The following NDFIP1 variants were observed in gnomAD, a reference collection of about 807,000 sequenced individuals.
The protein encoded by NDFIP1 is Nedd4 family interacting protein 1.
A neutral mutation model predicts 28.8 loss-of-function variants in NDFIP1; 7 were observed. That is an observed-to-expected ratio of 0.24 (90% CI 0.14 to 0.46). The LOEUF (loss-of-function observed/expected upper bound fraction) is 0.46, where lower values mean the gene tolerates loss of function less well. Among genes scored for constraint, NDFIP1 ranks in the 20% least tolerant of loss-of-function variants. The pLI is 0.99. For synonymous variants in NDFIP1, 92 were observed against 101.0 expected (o/e 0.91, Z 0.53); for missense variants, 194 against 269.1 (o/e 0.72, Z 1.95).
chr5:142,151,566 T>A (rs1757447410), intron 7 of NDFIP1, among the ~76,000 whole-genome samples, 165 bp from the exon 8 acceptor site: 1 of 152,240 alleles, frequency 6.6e-6, no homozygotes, highest in Admixed American at 6.5e-5. Flanking sequence ...AACTGAAATT[T>A]TAATGTTTAT....
chr5:142,145,174 CT>C (rs1757374576), intron 7 of NDFIP1, among the ~76,000 whole-genome samples: 1 of 152,188 alleles, frequency 6.6e-6, no homozygotes, highest in Non-Finnish European at 1.5e-5. Flanking sequence ...GTCATTGAGG[CT>C]TTCCCCATGG....
chr5:142,123,535 A>G (rs1016754624), intron 1 of NDFIP1, among the ~76,000 whole-genome samples: 5 of 152,272 alleles, frequency 3.3e-5, no homozygotes, highest in South Asian at 2.1e-4. Flanking sequence ...TTAAATGACA[A>G]ATAATTAGGA....
intron 1 of NDFIP1, among the ~76,000 whole-genome samples, chr5:142,118,739 C>G (rs755304468): frequency 1.3e-5 from 2 of 152,172 alleles, no homozygotes; most frequent in Non-Finnish European, 2.9e-5. Context: ...GGGCATTTGT[C>G]TCTGCTCTGA....
chr5:142,133,845 C>G (rs1757249059), intron 3 of NDFIP1, among the ~76,000 whole-genome samples: 1 of 152,162 alleles, frequency 6.6e-6, no homozygotes, highest in Non-Finnish European at 1.5e-5. Flanking sequence ...AAAGGGCCCA[C>G]AAATACTGAT....
chr5:142,132,373 C>T (rs1561601825), intron 3 of NDFIP1, 31 bp downstream of exon 3: 2 of 1,599,630 alleles, frequency 1.3e-6, no homozygotes, highest in Middle Eastern at 1.7e-4. Context: ...TACTTGATGG[C>T]TGCTCTGTGG....
In NDFIP1 at chr5:142,112,153, C is replaced by T. The variant is rs528071422; in HGVS notation, c.63+3116C>T. Reference sequence around the variant, plus strand: ...CAGCACTTTGGGAGGCCAAGGCAGGCAGATCACAAAGATCACGAGGTCAAG... The same window carrying T: ...CAGCACTTTGGGAGGCCAAGGCAGGTAGATCACAAAGATCACGAGGTCAAG... On this transcript the variant is annotated intron_variant, in intron 1 of 7. Transcript: ENST00000253814. Among the ~76,000 whole-genome samples, 264 of 152,106 alleles carry T rather than the reference C, an allele frequency of 1.7e-3. 1 individual carries two copies. The highest frequency in any genetic ancestry group is 6.1e-3 in the African/African-American group (252 of 41,464).
intron 4 of NDFIP1, 135 bp downstream of exon 4, chr5:142,135,952 A>C (rs1414042355): frequency 3.5e-6 from 2 of 568,272 alleles, no homozygotes; most frequent in Non-Finnish European, 6.1e-6. Flanking sequence ...CTTTTACTGG[A>C]ATATTCAAAG....
chr5:142,112,114 C>T (rs1757019866), intron 1 of NDFIP1, among the ~76,000 whole-genome samples: 1 of 152,000 alleles, frequency 6.6e-6, no homozygotes, highest in Non-Finnish European at 1.5e-5. Context: ...CAAGGTGGCT[C>T]ATGCCTGTAA....
intron 5 of NDFIP1, among the ~76,000 whole-genome samples, chr5:142,140,196 C>G (rs1281777833): frequency 1.3e-5 from 2 of 152,038 alleles, no homozygotes; most frequent in Admixed American, 1.3e-4. Flanking sequence ...CGCCTGTAAT[C>G]CCAGCACTTT....
chr5:142,123,707 G>A (rs1049245569), intron 1 of NDFIP1, among the ~76,000 whole-genome samples: 2 of 152,114 alleles, frequency 1.3e-5, no homozygotes, highest in African/African-American at 2.4e-5. Flanking sequence ...GTCTGATACA[G>A]CCATTATTTT....
At chr5:142,136,254 A>C (rs1049612008) in intron 4 of NDFIP1, among the ~76,000 whole-genome samples, 2 of 152,172 alleles carry the variant, frequency 1.3e-5, no homozygotes, top group African/African-American at 4.8e-5. Flanking sequence ...TGTGTGCCTC[A>C]CATAGAAGTG....
intron 1 of NDFIP1, among the ~76,000 whole-genome samples, chr5:142,123,900 AG>A (rs1380298455): frequency 3.3e-5 from 5 of 152,212 alleles, no homozygotes; most frequent in African/African-American, 4.8e-5. Flanking sequence ...GTGGAGAAAA[AG>A]AACTCACATT....
At chr5:142,117,028 T>A (rs1035204491) in intron 1 of NDFIP1, among the ~76,000 whole-genome samples, 2 of 151,846 alleles carry the variant, frequency 1.3e-5, no homozygotes, top group Admixed American at 1.3e-4. Flanking sequence ...ATAATATATT[T>A]CTTATCCCCC....
intron 3 of NDFIP1, among the ~76,000 whole-genome samples, chr5:142,133,050 C>T (rs1305491786): frequency 2.0e-5 from 3 of 152,244 alleles, no homozygotes; most frequent in Non-Finnish European, 4.4e-5. Context: ...TCTATTCTAG[C>T]AAGTAACTGG....
At chr5:142,139,624 G>T (rs922223115) in intron 5 of NDFIP1, among the ~76,000 whole-genome samples, 1 of 152,152 alleles carries the variant, frequency 6.6e-6, no homozygotes, top group South Asian at 2.1e-4. Flanking sequence ...AATTTCCACT[G>T]GTCAGAATGG....
intron 1 of NDFIP1, among the ~76,000 whole-genome samples, chr5:142,109,391 AAAAG>A (rs1344025034): frequency 3.3e-5 from 5 of 152,172 alleles, no homozygotes; most frequent in African/African-American, 4.8e-5. Flanking sequence ...ATGTCATTGG[AAAAG>A]AAAGAAAGAA....
At chr5:142,116,525 G>T (rs12515668) in intron 1 of NDFIP1, among the ~76,000 whole-genome samples, 101,656 of 151,594 alleles carry the variant, frequency 0.67, 34,376 homozygotes, top group African/African-American at 0.76. Flanking sequence ...CCCGCCAGCA[G>T]GCCCGGCTAA....
chr5:142,123,475 C>A (rs1406513324), intron 1 of NDFIP1, among the ~76,000 whole-genome samples: 1 of 152,030 alleles, frequency 6.6e-6, no homozygotes, highest in Admixed American at 6.6e-5. Context: ...AGTCCATGGT[C>A]TTTTGTGACT....
At chr5:142,131,777 G>A (rs1757230133) in intron 1 of NDFIP1, 31 bp from the exon 2 acceptor site, 4 of 1,523,434 alleles carry the variant, frequency 2.6e-6, no homozygotes, top group Non-Finnish European at 2.6e-6. Context: ...TTGGCTTTAT[G>A]CTTACATTAA....
Sources: allele counts gnomAD v4.1 joint callset (sites outside exome capture counted in the v4.1 genomes callset), GRCh38; gene constraint gnomAD v4.1.1; transcripts MANE v1.5; gene names NCBI Gene and HGNC (gene_info 2026-07-23, HGNC 2026-07-21).